The following TRIM2 variants were observed in gnomAD, a reference collection of about 807,000 sequenced individuals.
TRIM2 encodes tripartite motif containing 2, also known as tripartite motif-containing protein 2.
Under a neutral mutation model 75.2 loss-of-function variants are expected in TRIM2, and 20 were observed. The observed-to-expected ratio is 0.27, with a 90% CI of 0.19 to 0.39. The LOEUF (loss-of-function observed/expected upper bound fraction) is 0.39. Among genes scored for constraint, TRIM2 ranks in the 10% least tolerant of loss-of-function variants. The probability of loss-of-function intolerance (pLI) is 1.00; values close to 1 mark genes in which losing one functional copy is unlikely to be tolerated. For synonymous variants in TRIM2, 373 were observed against 388.3 expected, an observed-to-expected ratio of 0.96 and a Z score of 0.46; for missense variants, 660 against 990.8, an observed-to-expected ratio of 0.67 and a Z score of 4.48.
At chr4:153,205,007 C>T (rs1735003342) in intron 1 of TRIM2, among the ~76,000 whole-genome samples, 1 of 152,184 alleles carries the variant, frequency 6.6e-6, no homozygotes, top group East Asian at 1.9e-4. Context: ...AAAGGGCAAA[C>T]TGTAGTAGTC....
At chr4:153,294,255 A>G in intron 4 of TRIM2, 50 bp from the exon 5 acceptor site, 1 of 1,578,626 alleles carries the variant, frequency 6.3e-7, no homozygotes, top group Non-Finnish European at 8.6e-7. Flanking sequence ...TAGATTTTGG[A>G]ATATTTCTGG....
At chr4:153,287,808 AC>A (rs1483179790) in intron 3 of TRIM2, among the ~76,000 whole-genome samples, 1 of 152,190 alleles carries the variant, frequency 6.6e-6, no homozygotes, top group Non-Finnish European at 1.5e-5. Context: ...GAGTTAGAAA[AC>A]TAAAATACAT....
At chr4:153,294,583 A>G (rs1333953199) in intron 5 of TRIM2, 98 bp downstream of exon 5, 4 of 1,258,714 alleles carry the variant, frequency 3.2e-6, no homozygotes, top group South Asian at 1.6e-5. Flanking sequence ...CTTAAGTGTC[A>G]TCATTGTATA....
At chr4:153,249,463 TAGAG>T (rs1397823653) in intron 1 of TRIM2, among the ~76,000 whole-genome samples, 3 of 152,378 alleles carry the variant, frequency 2.0e-5, no homozygotes, top group South Asian at 2.1e-4. Flanking sequence ...ATTTGGTCAG[TAGAG>T]AGGAACATTT....
intron 6 of TRIM2, among the ~76,000 whole-genome samples, chr4:153,306,131 A>T (rs915961219): frequency 1.3e-5 from 2 of 151,522 alleles, no homozygotes; most frequent in Admixed American, 6.6e-5. Context: ...TCCATCTCAA[A>T]AAAAAAAAAA....
intron 1 of TRIM2, among the ~76,000 whole-genome samples, chr4:153,175,203 G>A (rs1178916523): frequency 2.6e-5 from 4 of 151,988 alleles, no homozygotes; most frequent in African/African-American, 9.7e-5. Context: ...TGTATTTTTA[G>A]TAGAGACAGG....
intron 1 of TRIM2, among the ~76,000 whole-genome samples, chr4:153,229,340 T>C (rs1278152533): frequency 6.6e-6 from 1 of 152,240 alleles, no homozygotes; most frequent in Non-Finnish European, 1.5e-5. Context: ...CTCTGCTCAC[T>C]GCAACCTCCG....
intron 1 of TRIM2, among the ~76,000 whole-genome samples, chr4:153,267,857 AT>A (rs1175341652): frequency 6.6e-6 from 1 of 151,940 alleles, no homozygotes; most frequent in Non-Finnish European, 1.5e-5. Flanking sequence ...GATAGAGCCA[AT>A]TTATCAAGAC....
chr4:153,307,813 A>G lies in TRIM2; in HGVS notation c.1511-7672A>G, dbSNP rs1280241654. 33 of 728,546 alleles carry G rather than the reference A, an allele frequency of 4.5e-5. No individual in the cohort carries two copies. The East Asian group carries it at 7.9e-4, about 18-fold the overall frequency. 45.1% of individuals were successfully genotyped at this position (728,546 alleles called of 1,614,324 possible). On this transcript the variant is annotated intron_variant, in intron 6 of 11. Coordinates refer to ENST00000338700, the MANE Select transcript of TRIM2 (RefSeq NM_015271.5). ...GCACCCTTAGTGTCTTGCTGGATGT[A>G]ATAGTACAGGGACTTGCTATACTTT...
intron 1 of TRIM2, among the ~76,000 whole-genome samples, chr4:153,261,615 T>C (rs1020516820): frequency 6.6e-6 from 1 of 152,182 alleles, no homozygotes; most frequent in Non-Finnish European, 1.5e-5. Context: ...AGTAGAATCT[T>C]GGCCTCTGTT....
intron 1 of TRIM2, among the ~76,000 whole-genome samples, chr4:153,253,896 G>A (rs1034327531): frequency 6.6e-6 from 1 of 152,186 alleles, no homozygotes; most frequent in Non-Finnish European, 1.5e-5. Context: ...GGAACCAGCA[G>A]CCCTCAGGGC....
chr4:153,295,879 C>A lies in TRIM2; in HGVS notation c.1353C>A (p.Ser451=). The A allele has an allele frequency of 6.2e-7, 1 of 1,613,766 alleles. No individual in the cohort carries two copies. Among genetic ancestry groups the A allele is most frequent in the Non-Finnish European group, 8.5e-7 (1 of 1,179,828 alleles). The change falls in exon 6 of 12, where the codon TCC becomes TCA. Residue 451 remains serine, a synonymous_variant. Transcript: ENST00000338700. The surrounding 1 kb of genome is among the most constrained non-coding windows in gnomAD (Gnocchi z 7.2). ...CGTTTAAGCTGAAAGTGATCCGATCCGCTGATGTGTCTCCCACCACAGAAG... is the reference window on the plus strand; with the variant it reads ...CGTTTAAGCTGAAAGTGATCCGATCAGCTGATGTGTCTCCCACCACAGAAG... ...GSPFKLKVIR[S]ADVSPTTEGV...
chr4:153,333,821 A>G (rs938918487), intron 11 of TRIM2, among the ~76,000 whole-genome samples: 1 of 152,192 alleles, frequency 6.6e-6, no homozygotes, highest in African/African-American at 2.4e-5. Flanking sequence ...GAAGTAATCT[A>G]GAGATGATTT....
chr4:153,219,610 T>A (rs1190978053), intron 1 of TRIM2, among the ~76,000 whole-genome samples: 1 of 152,226 alleles, frequency 6.6e-6, no homozygotes, highest in African/African-American at 2.4e-5. Context: ...AGCTTACGCC[T>A]GTAACTCAAC....
intron 1 of TRIM2, among the ~76,000 whole-genome samples, chr4:153,259,256 A>T (rs1227833411): frequency 6.6e-6 from 1 of 152,208 alleles, no homozygotes; most frequent in African/African-American, 2.4e-5. Flanking sequence ...TTTTATTATA[A>T]CAAAAGCTTC....
chr4:153,247,786 A>G (rs1295792282), intron 1 of TRIM2, among the ~76,000 whole-genome samples: 1 of 151,682 alleles, frequency 6.6e-6, no homozygotes, highest in African/African-American at 2.4e-5. Flanking sequence ...TGAAAAGGTG[A>G]TGAAGTGTAG....
intron 8 of TRIM2, 45 bp downstream of exon 8, chr4:153,316,044 A>ACAGG: frequency 1.3e-6 from 2 of 1,486,932 alleles, no homozygotes; most frequent in Non-Finnish European, 1.8e-6. Context: ...GAGAGAAGGA[A>ACAGG]CAGGAAATAC....
chr4:153,234,790 C>T (rs577603761), intron 1 of TRIM2, among the ~76,000 whole-genome samples: 1 of 152,264 alleles, frequency 6.6e-6, no homozygotes, highest in Admixed American at 6.5e-5. Context: ...TTATTCAATG[C>T]CCAGACCTTT....
chr4:153,173,426 G>T (rs927564696), intron 1 of TRIM2, among the ~76,000 whole-genome samples: 25 of 152,026 alleles, frequency 1.6e-4, no homozygotes, highest in African/African-American at 5.3e-4. Context: ...CACTTTGGGA[G>T]GCCGAGGGGG....
Sources: allele counts gnomAD v4.1 joint callset (sites outside exome capture counted in the v4.1 genomes callset), GRCh38; gene constraint gnomAD v4.1.1; non-coding constraint Gnocchi (gnomAD v3.1); transcripts MANE v1.5; gene names NCBI Gene and HGNC (gene_info 2026-07-23, HGNC 2026-07-21).